Variants in ACOX1 observed in about 807,000 individuals in gnomAD.
ACOX1 encodes peroxisomal acyl-coenzyme A oxidase 1.
A neutral mutation model predicts 75.5 loss-of-function variants in ACOX1; 41 were observed. The ratio of observed to expected loss-of-function variants is 0.54; its 90% CI spans 0.42 to 0.70. The LOEUF (loss-of-function observed/expected upper bound fraction) is 0.70. ACOX1 is among the 30% of genes least tolerant of loss of function. The probability of loss-of-function intolerance (pLI) is 0.00; values close to 1 mark genes in which losing one functional copy is unlikely to be tolerated. For synonymous variants in ACOX1, 303 were observed against 298.8 expected, an observed-to-expected ratio of 1.01 and a Z score of -0.15; for missense variants, 630 against 837.5, an observed-to-expected ratio of 0.75 and a Z score of 3.06.
At chr17:75,977,688 C>T (rs2066066678) in intron 2 of ACOX1, among the ~76,000 whole-genome samples, 1 of 152,204 alleles carries the variant, frequency 6.6e-6, no homozygotes, top group Non-Finnish European at 1.5e-5. Context: ...ACAAGACAAC[C>T]ATTCAAGCAC....
chr17:75,968,825 G>A (rs532414822), intron 2 of ACOX1, among the ~76,000 whole-genome samples: 75 of 151,492 alleles, frequency 5.0e-4, no homozygotes, highest in African/African-American at 1.7e-3. Flanking sequence ...AGGAGGCCGA[G>A]GGAGGAGAAT....
rs1340301685 is a variant in ACOX1 at position 75,949,853 on chromosome 17, A to G, written c.1343T>C (p.Val448Ala). 1.2e-5 allele frequency: 20 copies of G among 1,614,222 alleles called. No homozygotes were observed. The highest frequency in any genetic ancestry group is 1.7e-5 in the Non-Finnish European group (20 of 1,180,040). ...GTTCAAATAGGACACCATGCCACAC[A>G]CCAACTTTCCTGAGTGCACCTGATC... The part of the protein sequence containing the change: ...SYDQVHSGKL[V>A]CGMVSYLNDL... Residue 448 changes from valine (V) to alanine (A), a missense_variant, in exon 10 of 14, where the codon GTG (valine) becomes GCG (alanine). Around this residue, in one of 2 missense-constraint regions of ACOX1, gnomAD observed 240 missense variants for 262.7 expected, o/e 0.91. Coordinates refer to ENST00000293217, the MANE Select transcript of ACOX1 (RefSeq NM_004035.7).
At position 75,950,807 on chromosome 17, in the gene ACOX1, C is replaced by T; in HGVS notation, c.1265G>A (p.Gly422Glu). The T allele has an allele frequency of 6.2e-7, 1 of 1,614,114 alleles. No individual in the cohort carries two copies. Among genetic ancestry groups the T allele is most frequent in the Non-Finnish European group, 8.5e-7 (1 of 1,180,014 alleles). ...CTGGAGCATCATGACAGTGTTTTCT[C>T]CCTCAAAGGTACAGCTTGGGGTGAA... is the stretch of plus-strand genomic sequence containing the variant. ...VNFTPSCTFEGENTVMMLQTA... is the reference protein window; with the variant it reads ...VNFTPSCTFEEENTVMMLQTA... Residue 422 changes from glycine to glutamate, a missense_variant, in exon 9 of 14, where the codon GGA becomes GAA. This residue lies in a region of ACOX1 where 390 missense variants were observed against 574.9 expected (regional missense o/e 0.68). Coordinates refer to ENST00000293217, the MANE Select transcript of ACOX1 (RefSeq NM_004035.7). This position sits in a 1 kb window ranked among gnomAD's most constrained non-coding sequence, Gnocchi z 4.3.
intron 2 of ACOX1, among the ~76,000 whole-genome samples, chr17:75,969,586 G>A (rs1015644588): frequency 6.6e-5 from 10 of 152,122 alleles, no homozygotes; most frequent in African/African-American, 2.4e-4. Context: ...TTGGGCAGAG[G>A]GAAGAGGAGA....
intron 2 of ACOX1, among the ~76,000 whole-genome samples, chr17:75,968,553 C>T (rs933961449): frequency 7.1e-6 from 1 of 139,984 alleles, no homozygotes; most frequent in Admixed American, 7.6e-5. Flanking sequence ...TTGCAGCGAG[C>T]GGAGATCATG....
At chr17:75,975,945 AAAAG>A (rs148266807) in intron 2 of ACOX1, among the ~76,000 whole-genome samples, 3,489 of 143,004 alleles carry the variant, frequency 0.024, 83 homozygotes, top group East Asian at 0.13. Flanking sequence ...GAAAGAAAAG[AAAAG>A]AAAGAAAGAA....
rs1000486808 is a variant in ACOX1, at chr17:75,950,684, G to C, written c.1298+90C>G. 1 of 1,378,086 alleles carries C rather than the reference G, an allele frequency of 7.3e-7. No individual in the cohort carries two copies. Among genetic ancestry groups the C allele is most frequent in the African/African-American group, 1.4e-5 (1 of 69,942 alleles). 85.4% of individuals were successfully genotyped at this position (1,378,086 alleles called of 1,614,324 possible). On this transcript the variant is annotated intron_variant, in intron 9 of 13. Coordinates refer to ENST00000293217, the MANE Select transcript of ACOX1 (RefSeq NM_004035.7). The surrounding 1 kb of genome is among the most constrained non-coding windows in gnomAD (Gnocchi z 4.3). ...CTTTCAGGAACAAATATATATATACGGTGAAGAAAAACCATGGGAACAAGA... is the reference window on the plus strand; with the variant it reads ...CTTTCAGGAACAAATATATATATACCGTGAAGAAAAACCATGGGAACAAGA...
Position 75,979,109 on chromosome 17 carries a change from C to T in ACOX1, c.-36G>A. 1 of 1,606,842 alleles carries T rather than the reference C, an allele frequency of 6.2e-7. No individual in the cohort carries two copies. The highest frequency in any genetic ancestry group is 1.3e-5 in the African/African-American group (1 of 75,044). On this transcript the variant is annotated 5_prime_UTR_variant, in exon 1 of 14. Transcript: ENST00000293217. Reference sequence around the variant, plus strand: ...AGCTGGCAGCGAAGTAAGCACCGACCGAGGTGGCAGTGACAATCTAAATCC... The same window carrying T: ...AGCTGGCAGCGAAGTAAGCACCGACTGAGGTGGCAGTGACAATCTAAATCC...
At chr17:75,948,217 C>CT (rs1481726312) in intron 13 of ACOX1, 34 bp downstream of exon 13, 12 of 1,609,654 alleles carry the variant, frequency 7.5e-6, no homozygotes, top group Non-Finnish European at 9.4e-6. Context: ...TAAGTGAAGA[C>CT]TTTTAAAAAG....
Position 75,941,600 on chromosome 17 carries a change from T to C in ACOX1, c.*5148A>G, listed in dbSNP as rs1265100726. On this transcript the variant is annotated 3_prime_UTR_variant, in exon 14 of 14. Coordinates refer to ENST00000293217, the MANE Select transcript of ACOX1 (RefSeq NM_004035.7). ...TTGTAGTTTTGCTTACCCGCAGTGC[T>C]GGCAGGTCACAGCTGTCCAACCATG... The C allele has an allele frequency of 6.6e-6, 1 of 152,298 alleles. No individual in the cohort carries two copies. The allele number at this position is 152,298 out of a possible 1,614,324, so 9.4% of individuals were successfully genotyped here. A position where few individuals can be genotyped will look rare whatever the true frequency, so the allele number is the denominator to read the frequency against.
At chr17:75,951,663 G>A (rs1052111313) in intron 7 of ACOX1, 86 bp from the exon 8 acceptor site, 5 of 1,403,156 alleles carry the variant, frequency 3.6e-6, no homozygotes, top group Middle Eastern at 2.3e-4. Context: ...TAAGCACTTG[G>A]TATTTTAACT....
At chr17:75,952,475 G>C (rs1009114056) in intron 7 of ACOX1, among the ~76,000 whole-genome samples, 2 of 151,198 alleles carry the variant, frequency 1.3e-5, no homozygotes, top group African/African-American at 4.9e-5. Context: ...TTGTATTTTA[G>C]TAGACGTGGG....
In ACOX1 at chr17:75,948,244, T is replaced by C. The variant is rs750007183; in HGVS notation, c.1935+7A>G. On this transcript the variant is annotated splice_region_variant and intron_variant, in intron 13 of 13. Transcript: ENST00000293217. ...TTTAAAAAGGTGCAGAGACACTGGA[T>C]TTTTACCTCTGCTTTGTTCAGTGGG... 3 of 1,613,948 alleles carry C rather than the reference T, an allele frequency of 1.9e-6. No individual in the cohort carries two copies. The highest frequency in any genetic ancestry group is 2.5e-6 in the Non-Finnish European group (3 of 1,179,874).
chr17:75,953,418 T>G, intron 7 of ACOX1, 33 bp downstream of exon 7: 1 of 1,611,046 alleles, frequency 6.2e-7, no homozygotes, highest in Non-Finnish European at 8.5e-7. Flanking sequence ...ACTAGGCCTT[T>G]GGTACTGAGC....
At chr17:75,963,868 C>T (rs2065907370) in intron 2 of ACOX1, among the ~76,000 whole-genome samples, 1 of 149,742 alleles carries the variant, frequency 6.7e-6, no homozygotes, top group African/African-American at 2.5e-5. Flanking sequence ...CTTCCTATGA[C>T]TCTACAATCA....
chr17:75,976,414 A>G (rs551800638), intron 2 of ACOX1, among the ~76,000 whole-genome samples: 1 of 152,302 alleles, frequency 6.6e-6, no homozygotes, highest in Non-Finnish European at 1.5e-5. Flanking sequence ...TCAAACACAC[A>G]CACACACACT....
chr17:75,972,091 G>A (rs1225586413), intron 2 of ACOX1, among the ~76,000 whole-genome samples: 1 of 151,994 alleles, frequency 6.6e-6, no homozygotes, highest in Non-Finnish European at 1.5e-5. Flanking sequence ...GTAATCCCAG[G>A]ACTTTGGGAG....
intron 2 of ACOX1, among the ~76,000 whole-genome samples, chr17:75,966,147 A>C (rs1377358402): frequency 6.6e-6 from 1 of 150,508 alleles, no homozygotes; most frequent in African/African-American, 2.4e-5. Flanking sequence ...AAAAAAAATA[A>C]TAAATAAAAA....
At chr17:75,971,057 C>T (rs1439031341) in intron 2 of ACOX1, among the ~76,000 whole-genome samples, 7 of 151,546 alleles carry the variant, frequency 4.6e-5, no homozygotes, top group Non-Finnish European at 1.0e-4. Context: ...TTTGGGAGGC[C>T]GAGGCGGGCA....
Sources: gnomAD v4.1 joint callset for allele counts (sites outside exome capture counted in the v4.1 genomes callset) on GRCh38, gnomAD v4.1.1 for gene constraint, gnomAD v4.1.1 regional missense constraint, Gnocchi (gnomAD v3.1) non-coding constraint, MANE v1.5 for transcripts, NCBI Gene and HGNC (gene_info 2026-07-23, HGNC 2026-07-21) for gene names.